ZNF658: variants seen among roughly 807,000 people sequenced by gnomAD.
ZNF658 encodes the protein zinc finger protein 658.
A neutral mutation model predicts 78.0 loss-of-function variants in ZNF658; 46 were observed. That is an observed-to-expected ratio of 0.59 (90% CI 0.47 to 0.75). The LOEUF (loss-of-function observed/expected upper bound fraction) is 0.75. Ranked by LOEUF, ZNF658 falls within the 30% of genes least tolerant of loss-of-function variation. ZNF658 has a pLI of 0.00. For missense variants in ZNF658, 785 were observed against 1,189.3 expected, an observed-to-expected ratio of 0.66 and a Z score of 5.00; for synonymous variants, 279 against 408.4, an observed-to-expected ratio of 0.68 and a Z score of 3.82.
At chr9:66,912,875 G>A (rs1287462294) in intron 4 of ZNF658, among the ~76,000 whole-genome samples, 3 of 150,384 alleles carry the variant, frequency 2.0e-5, no homozygotes, top group East Asian at 4.0e-4. Flanking sequence ...GCAAAACCCT[G>A]TCTCTACTAA....
intron 2 of ZNF658, among the ~76,000 whole-genome samples, chr9:66,905,220 C>T (rs1014949014): frequency 1.3e-5 from 2 of 151,314 alleles, no homozygotes; most frequent in African/African-American, 4.9e-5. Flanking sequence ...GGATTCCAGA[C>T]ATTCACCACC....
chr9:66,903,285 C>T (rs1642073315), intron 1 of ZNF658: 3 of 446,050 alleles, frequency 6.7e-6, no homozygotes, highest in South Asian at 6.5e-5. Flanking sequence ...CCTTCTTGTC[C>T]CTTTTCAAGA....
intron 6 of ZNF658, among the ~76,000 whole-genome samples, chr9:66,928,779 G>A (rs1267143398): frequency 6.7e-6 from 1 of 148,766 alleles, no homozygotes; most frequent in Non-Finnish European, 1.5e-5. Context: ...AACAAAACAT[G>A]TAAGACCCTT....
rs1822424727 is a variant in ZNF658 at position 66,918,955 on chromosome 9, A to G, written c.1389A>G (p.Thr463=). 5.5e-6 allele frequency: 8 copies of G among 1,456,416 alleles called. No homozygotes were observed. The highest frequency in any genetic ancestry group is 2.3e-5 in the East Asian group (1 of 43,084). The allele number at this position is 1,456,416 out of a possible 1,614,324, so 90.2% of individuals were successfully genotyped here. The change falls in exon 5 of 5, where the codon ACA becomes ACG. Residue 463 remains threonine, a synonymous_variant. Transcript: ENST00000621410. ...TCAGTAAACATCTGAGAATTCACAC[A>G]AAAGAGAAACCTTGTGATAACAATG... ...SNLSKHLRIH[T]KEKPCDNNGC...
intron 4 of ZNF658, among the ~76,000 whole-genome samples, chr9:66,909,573 G>A (rs919588604): frequency 2.0e-5 from 3 of 151,512 alleles, no homozygotes; most frequent in Non-Finnish European, 4.4e-5. Flanking sequence ...TTTCTCTTGT[G>A]TATATTCCTA....
In ZNF658 at chr9:66,907,175, GTC is replaced by G. The variant is rs568859735; in HGVS notation, c.16-1059_16-1058del. 3.2e-3 allele frequency among the ~76,000 whole-genome samples: 494 copies of G among 152,026 alleles called. 3 individuals carry two copies. The highest frequency in any genetic ancestry group is 0.011 in the African/African-American group (453 of 41,456). ...TCCCTGTGTGCTCAAGGAGCTGTCT[GTC>G]TCTGCTAATTTTACTCACCACCTAA... On this transcript the variant is annotated intron_variant, in intron 2 of 4. Coordinates refer to ENST00000621410, the MANE Select transcript of ZNF658 (RefSeq NM_033160.7).
intron 2 of ZNF658, among the ~76,000 whole-genome samples, chr9:66,906,970 C>G (rs1235365628): frequency 6.6e-6 from 1 of 151,938 alleles, no homozygotes. Context: ...ACCGTCATCA[C>G]TTGCTAATTT....
At chr9:66,905,722 G>A (rs1177644968) in intron 2 of ZNF658, among the ~76,000 whole-genome samples, 2 of 141,952 alleles carry the variant, frequency 1.4e-5, no homozygotes, top group Non-Finnish European at 3.0e-5. Flanking sequence ...GTTTCTATTT[G>A]GTCCCTTTTT....
intron 6 of ZNF658, among the ~76,000 whole-genome samples, chr9:66,930,796 C>A (rs1003155298): frequency 2.1e-4 from 31 of 150,868 alleles, no homozygotes; most frequent in African/African-American, 6.6e-4. Context: ...GCATCCTTTG[C>A]CCACAAATGA....
intron 4 of ZNF658, among the ~76,000 whole-genome samples, chr9:66,911,535 CAG>C (rs1395088539): frequency 1.7e-5 from 2 of 114,568 alleles, no homozygotes; most frequent in African/African-American, 7.6e-5. Context: ...ATAGTGAAAA[CAG>C]AAGAATTTAA....
intron 2 of ZNF658, among the ~76,000 whole-genome samples, chr9:66,905,180 A>G (rs973398984): frequency 3.7e-4 from 54 of 144,718 alleles, no homozygotes; most frequent in Non-Finnish European, 7.1e-4. Context: ...GGTTCAAGCA[A>G]TCCTTGTGCC....
chr9:66,908,769 G>A (rs1822144142), intron 4 of ZNF658, 35 bp downstream of exon 4: 1 of 1,598,260 alleles, frequency 6.3e-7, no homozygotes, highest in Non-Finnish European at 8.5e-7. Context: ...CCCCCTGGGG[G>A]TACTTAGTCT....
At chr9:66,927,483 C>T (rs931339902) in intron 6 of ZNF658, among the ~76,000 whole-genome samples, 10 of 151,660 alleles carry the variant, frequency 6.6e-5, no homozygotes, top group African/African-American at 9.7e-5. Flanking sequence ...TTATATTGCT[C>T]CAATAATCCC....
Position 66,918,269 on chromosome 9 carries a change from A to T in ZNF658, c.703A>T (p.Ser235Cys). The change falls in exon 5 of 5, where the codon AGT becomes TGT. Residue 235 changes from serine (S) to cysteine (C), a missense_variant. Transcript: ENST00000621410. ...YDKTICITPQ[S>C]FLTGEKSCKD... Reference sequence around the variant, plus strand: ...TAAGACAATTTGTATTACACCTCAGAGTTTTCTAACAGGAGAAAAGTCCTG... The same window carrying T: ...TAAGACAATTTGTATTACACCTCAGTGTTTTCTAACAGGAGAAAAGTCCTG... 1 of 1,613,382 alleles carries T rather than the reference A, an allele frequency of 6.2e-7. No homozygotes were observed. The highest frequency in any genetic ancestry group is 8.5e-7 in the Non-Finnish European group (1 of 1,179,640).
intron 1 of ZNF658, chr9:66,901,063 A>T (rs1226770040): frequency 1.3e-5 from 2 of 152,324 alleles, no homozygotes. Flanking sequence ...GATGAGGTTG[A>T]CGGCGAACAG....
chr9:66,921,973 C>T (rs11261524), downstream of ZNF658, among the ~76,000 whole-genome samples: 17,990 of 111,294 alleles, frequency 0.16, 1,671 homozygotes, highest in South Asian at 0.3. Flanking sequence ...GGCAGGCAGG[C>T]CTCCTTGATC....
intron 6 of ZNF658, among the ~76,000 whole-genome samples, chr9:66,930,480 C>G (rs1044524472): frequency 6.5e-4 from 96 of 148,134 alleles, no homozygotes; most frequent in Non-Finnish European, 1.3e-3. Context: ...GTTTCTAACT[C>G]CTAGGGGTGA....
chr9:66,908,240 A>C lies in ZNF658; in HGVS notation c.18A>C (p.Ala6=), dbSNP rs372456475. ...TGTTGTGATAAATGTTGTTACAGGC[A>C]TCAGTGTCATTCCAGGACGTGACTG... MNMSQ[A]SVSFQDVTVE... is the part of the protein sequence containing the mutation. Residue 6 remains alanine (A), a splice_region_variant and synonymous_variant, in exon 3 of 5, where the codon GCA becomes GCC. Coordinates refer to ENST00000621410, the MANE Select transcript of ZNF658 (RefSeq NM_033160.7). The C allele has an allele frequency of 3.1e-6, 5 of 1,614,038 alleles. No homozygotes were observed. Among genetic ancestry groups the C allele is most frequent in the Admixed American group, 3.3e-5 (2 of 60,002 alleles).
At chr9:66,901,013 GC>G (rs1315376683) in intron 1 of ZNF658, 177 bp downstream of exon 1, 1 of 152,262 alleles carries the variant, frequency 6.6e-6, no homozygotes, top group African/African-American at 2.4e-5. Context: ...GGGCTGCCGG[GC>G]CCCGCGGGGT....
Sources: allele counts gnomAD v4.1 joint callset (sites outside exome capture counted in the v4.1 genomes callset), GRCh38; gene constraint gnomAD v4.1.1; transcripts MANE v1.5; gene names NCBI Gene and HGNC (gene_info 2026-07-23, HGNC 2026-07-21).